The following UNC13C variants were observed in gnomAD, a reference collection of about 807,000 sequenced individuals.
UNC13C encodes the protein protein unc-13 homolog C.
UNC13C carries 174 observed loss-of-function variants against 245.4 expected under a neutral mutation model. That is an observed-to-expected ratio of 0.71 (90% CI 0.63 to 0.80). The LOEUF (loss-of-function observed/expected upper bound fraction) is 0.80, where lower values mean the gene tolerates loss of function less well. Ranked by LOEUF, UNC13C falls within the 30% of genes least tolerant of loss-of-function variation. The pLI, the probability that UNC13C is intolerant of heterozygous loss-of-function variation, is 0.00. For missense variants in UNC13C, 2,829 were observed against 2,602.9 expected (o/e 1.09, Z -1.89); for synonymous variants, 992 against 895.1 (o/e 1.11, Z -1.93).
chr15:54,433,734 G>A (rs963881383), intron 19 of UNC13C, among the ~76,000 whole-genome samples: 1 of 151,990 alleles, frequency 6.6e-6, no homozygotes. Context: ...TTCTGGCCAG[G>A]GCAATCAGAT....
At chr15:54,615,900 C>G (rs1900404318) in intron 30 of UNC13C, among the ~76,000 whole-genome samples, 1 of 151,962 alleles carries the variant, frequency 6.6e-6, no homozygotes, top group Non-Finnish European at 1.5e-5. Context: ...TAATATTGCC[C>G]CCTTTATTGA....
At chr15:54,057,353 A>G (rs529129758) in intron 2 of UNC13C, among the ~76,000 whole-genome samples, 1 of 151,472 alleles carries the variant, frequency 6.6e-6, no homozygotes, top group South Asian at 2.1e-4. Flanking sequence ...AAAGATCAAA[A>G]GAGACAAAGA....
At chr15:53,962,042 G>C in the UNC13C span, among the ~76,000 whole-genome samples, 21 of 152,104 alleles carry the variant, frequency 1.4e-4, no homozygotes, top group Admixed American at 3.3e-4. Context: ...TTAAGAGATA[G>C]CTCCTCTCTA....
intron 30 of UNC13C, among the ~76,000 whole-genome samples, chr15:54,608,974 C>G (rs768663184): frequency 7.9e-5 from 12 of 152,138 alleles, no homozygotes; most frequent in Non-Finnish European, 1.6e-4. Context: ...GTGGCTGCTT[C>G]AAAGTGATGG....
At chr15:54,145,766 G>A (rs146140801) in intron 4 of UNC13C, among the ~76,000 whole-genome samples, 44 of 152,250 alleles carry the variant, frequency 2.9e-4, no homozygotes, top group Non-Finnish European at 4.4e-4. Context: ...ACCTCCCTTC[G>A]CCTACAGCAT....
intron 4 of UNC13C, among the ~76,000 whole-genome samples, chr15:54,210,283 CTTGT>C (rs1480379090): frequency 5.4e-5 from 8 of 149,142 alleles, no homozygotes; most frequent in African/African-American, 2.0e-4. Flanking sequence ...GTTAATTTTT[CTTGT>C]TTGTTATTTA....
chr15:54,073,713 A>G (rs1472935339), intron 2 of UNC13C, among the ~76,000 whole-genome samples: 1 of 151,940 alleles, frequency 6.6e-6, no homozygotes, highest in Admixed American at 6.6e-5. Flanking sequence ...TCCTTTGCCT[A>G]CTTTTTGATG....
intron 7 of UNC13C, among the ~76,000 whole-genome samples, chr15:54,244,237 C>A (rs1266689156): frequency 2.6e-5 from 4 of 152,168 alleles, no homozygotes; most frequent in African/African-American, 7.2e-5. Context: ...AATAGGGAAT[C>A]CTTTCCTCAT....
chr15:54,443,877 G>A (rs186158631), intron 19 of UNC13C, among the ~76,000 whole-genome samples: 33 of 152,058 alleles, frequency 2.2e-4, no homozygotes, highest in East Asian at 2.1e-3. Flanking sequence ...TGTATATTCC[G>A]TAGCTGTTGA....
chr15:54,074,477 A>G (rs569830728), intron 2 of UNC13C, among the ~76,000 whole-genome samples: 2 of 152,266 alleles, frequency 1.3e-5, no homozygotes, highest in African/African-American at 4.8e-5. Flanking sequence ...AAGTATGGCC[A>G]TTTTCACGAT....
chr15:53,952,046 T>C, the UNC13C span, among the ~76,000 whole-genome samples: 3 of 152,100 alleles, frequency 2.0e-5, no homozygotes, highest in African/African-American at 4.8e-5. Flanking sequence ...GTATCAGCAA[T>C]AGGATGATGT....
Position 54,015,670 on chromosome 15 carries a change from G to C in UNC13C, c.2767G>C (p.Asp923His), listed in dbSNP as rs1328374133. Residue 923 changes from aspartate (D) to histidine (H), a missense_variant, in exon 2 of 33, where the codon GAT becomes CAT. Transcript: ENST00000260323. ...TGAAACCCCACAAGATGAGGGTTATGATGGTCCAGCAGATGATATGGTTAG... is the reference window on the plus strand; with the variant it reads ...TGAAACCCCACAAGATGAGGGTTATCATGGTCCAGCAGATGATATGGTTAG... ...PYETPQDEGY[D>H]GPADDMVSEE... is the part of the protein sequence containing the mutation. 3 of 1,613,736 alleles carry C rather than the reference G, an allele frequency of 1.9e-6. No homozygotes were observed. The highest frequency in any genetic ancestry group is 1.7e-6 in the Non-Finnish European group (2 of 1,179,764).
At chr15:53,880,490 A>C in the UNC13C span, among the ~76,000 whole-genome samples, 1 of 152,182 alleles carries the variant, frequency 6.6e-6, no homozygotes, top group African/African-American at 2.4e-5. Flanking sequence ...AGTGATTTAG[A>C]ATACAACGGC....
chr15:54,617,226 G>A lies in UNC13C; in HGVS notation c.6107-5101G>A, dbSNP rs917752365. Among the ~76,000 whole-genome samples, 7 of 152,136 alleles carry A rather than the reference G, an allele frequency of 4.6e-5. No individual in the cohort carries two copies. The South Asian group carries it at 8.3e-4, about 18-fold the overall frequency. On this transcript the variant is annotated intron_variant, in intron 30 of 32. Transcript: ENST00000260323. ...TGTCAGAAAATCTTAAGATAGCTAG[G>A]TCCTATATAAAAGTAATTTTTTAAT...
At chr15:54,054,155 TG>T (rs1897396313) in intron 2 of UNC13C, among the ~76,000 whole-genome samples, 1 of 152,204 alleles carries the variant, frequency 6.6e-6, no homozygotes, top group South Asian at 2.1e-4. Flanking sequence ...GGGGGATTGC[TG>T]GAGTATATCA....
intron 17 of UNC13C, among the ~76,000 whole-genome samples, chr15:54,352,155 A>C (rs2038996947): frequency 6.6e-6 from 1 of 151,650 alleles, no homozygotes. Context: ...TTCTCTCTAT[A>C]TGGTTAAGTT....
intron 14 of UNC13C, among the ~76,000 whole-genome samples, chr15:54,324,889 A>C (rs1320939317): frequency 3.3e-5 from 5 of 152,058 alleles, no homozygotes; most frequent in African/African-American, 1.2e-4. Context: ...CGTGGGCCAC[A>C]TGCAGCCCAG....
chr15:54,137,609 T>C (rs748387083), intron 2 of UNC13C, among the ~76,000 whole-genome samples: 10 of 152,222 alleles, frequency 6.6e-5, no homozygotes, highest in Non-Finnish European at 1.2e-4. Context: ...TTTGATGGCA[T>C]GTAATTATTC....
At chr15:54,428,849 T>C (rs767430195) in intron 19 of UNC13C, among the ~76,000 whole-genome samples, 1 of 151,652 alleles carries the variant, frequency 6.6e-6, no homozygotes, top group Non-Finnish European at 1.5e-5. Context: ...TACTGTCCCA[T>C]GGTGCTTCCT....
Sources: gnomAD v4.1 joint callset for allele counts (sites outside exome capture counted in the v4.1 genomes callset) on GRCh38, gnomAD v4.1.1 for gene constraint, MANE v1.5 for transcripts, NCBI Gene and HGNC (gene_info 2026-07-23, HGNC 2026-07-21) for gene names.